Variants in TSGA10 observed in about 807,000 individuals in gnomAD.
The protein encoded by TSGA10 is testis-specific gene 10 protein.
In TSGA10, 43 loss-of-function variants were observed where a neutral mutation model predicts 96.6. The ratio of observed to expected loss-of-function variants is 0.44; its 90% confidence interval spans 0.35 to 0.57. TSGA10 has a LOEUF of 0.57. TSGA10 is among the 20% of genes least tolerant of loss of function. The pLI, the probability that TSGA10 is intolerant of heterozygous loss-of-function variation, is 0.01. For missense variants in TSGA10, 703 were observed against 834.4 expected, an observed-to-expected ratio of 0.84 and a Z score of 1.94; for synonymous variants, 229 against 269.9, an observed-to-expected ratio of 0.85 and a Z score of 1.48.
chr2:99,055,232 T>C (rs948019524), intron 16 of TSGA10, among the ~76,000 whole-genome samples: 2 of 152,122 alleles, frequency 1.3e-5, no homozygotes, highest in Admixed American at 6.5e-5. Flanking sequence ...TAGAGGTTCA[T>C]TATGCTAAGT....
intron 7 of TSGA10, 111 bp from the exon 8 acceptor site, chr2:99,105,808 C>T: frequency 1.4e-6 from 1 of 707,804 alleles, no homozygotes; most frequent in Admixed American, 2.5e-5. Context: ...ATGCATGCAG[C>T]AGGGTAATGG....
intron 15 of TSGA10, among the ~76,000 whole-genome samples, chr2:99,066,753 A>G (rs2085310279): frequency 1.3e-5 from 2 of 152,028 alleles, no homozygotes; most frequent in South Asian, 4.2e-4. Flanking sequence ...AGAAAATGAA[A>G]CTGTTCTTTG....
intron 10 of TSGA10, among the ~76,000 whole-genome samples, chr2:99,082,693 A>C (rs1349684089): frequency 6.6e-6 from 1 of 152,214 alleles, no homozygotes; most frequent in African/African-American, 2.4e-5. Context: ...TCATAATTCA[A>C]AATTTAAAAA....
At chr2:99,062,989 T>C (rs2084867138) in intron 16 of TSGA10, among the ~76,000 whole-genome samples, 1 of 152,202 alleles carries the variant, frequency 6.6e-6, no homozygotes, top group Non-Finnish European at 1.5e-5. Flanking sequence ...TGAGGGAACA[T>C]TAATTCTTCC....
At chr2:99,084,316 G>A (rs907013562) in intron 10 of TSGA10, among the ~76,000 whole-genome samples, 1 of 152,196 alleles carries the variant, frequency 6.6e-6, no homozygotes, top group Admixed American at 6.5e-5. Context: ...GCCTGGGGAA[G>A]AGATGACTGG....
chr2:99,032,211 T>A (rs2081199601), intron 17 of TSGA10, among the ~76,000 whole-genome samples: 1 of 152,152 alleles, frequency 6.6e-6, no homozygotes, highest in Non-Finnish European at 1.5e-5. Context: ...CTGCACTGAG[T>A]ACTTGTCTCA....
intron 2 of TSGA10, among the ~76,000 whole-genome samples, chr2:99,122,227 AT>A (rs1326755752): frequency 6.6e-6 from 1 of 152,144 alleles, no homozygotes; most frequent in African/African-American, 2.4e-5. Flanking sequence ...TTATCTCAAC[AT>A]TTTTTAGAAT....
chr2:99,049,436 T>C (rs1447312106), intron 16 of TSGA10, among the ~76,000 whole-genome samples: 1 of 152,058 alleles, frequency 6.6e-6, no homozygotes, highest in African/African-American at 2.4e-5. Context: ...TACAGGGACA[T>C]GGATGAAGCT....
At chr2:99,100,768 C>T (rs1449654173) in intron 10 of TSGA10, among the ~76,000 whole-genome samples, 2 of 138,148 alleles carry the variant, frequency 1.4e-5, no homozygotes, top group South Asian at 2.3e-4. Flanking sequence ...TGCAGTGAGC[C>T]GAGATTGTGC....
chr2:99,132,224 T>C (rs143088237), intron 1 of TSGA10, among the ~76,000 whole-genome samples: 1 of 152,248 alleles, frequency 6.6e-6, no homozygotes, highest in African/African-American at 2.4e-5. Flanking sequence ...GTACCTCTGG[T>C]AGAATTCAGC....
At chr2:99,053,084 G>A (rs1361658422) in intron 16 of TSGA10, among the ~76,000 whole-genome samples, 1 of 151,630 alleles carries the variant, frequency 6.6e-6, no homozygotes, top group Non-Finnish European at 1.5e-5. Flanking sequence ...AATAAATAGT[G>A]TATTCCTGAT....
intron 2 of TSGA10, among the ~76,000 whole-genome samples, chr2:99,122,149 A>G (rs548978777): frequency 3.3e-5 from 5 of 152,286 alleles, no homozygotes; most frequent in African/African-American, 1.2e-4. Flanking sequence ...CCAATATCAC[A>G]GTCTTGATTA....
At chr2:99,129,566 G>A (rs955285792) in intron 1 of TSGA10, among the ~76,000 whole-genome samples, 2 of 151,988 alleles carry the variant, frequency 1.3e-5, no homozygotes, top group Non-Finnish European at 2.9e-5. Flanking sequence ...ACCAGCTTTG[G>A]GGGCAATATC....
chr2:99,021,720 A>G (rs1372511362), intron 17 of TSGA10, among the ~76,000 whole-genome samples: 1 of 152,212 alleles, frequency 6.6e-6, no homozygotes, highest in Admixed American at 6.5e-5. Context: ...ACCACCAAAA[A>G]TGTCATTACT....
chr2:99,145,507 T>TGG (rs2093622762), intron 1 of TSGA10, among the ~76,000 whole-genome samples: 1 of 150,884 alleles, frequency 6.6e-6, no homozygotes, highest in Admixed American at 6.6e-5. Flanking sequence ...GCAGTCACCC[T>TGG]AGATCACACC....
intron 16 of TSGA10, among the ~76,000 whole-genome samples, chr2:99,052,640 A>T (rs1558857422): frequency 6.6e-6 from 1 of 152,070 alleles, no homozygotes; most frequent in African/African-American, 2.4e-5. Flanking sequence ...TGGGAGGCTG[A>T]GGCAGAAGAA....
intron 1 of TSGA10, among the ~76,000 whole-genome samples, chr2:99,146,193 G>C (rs763017664): frequency 2.6e-5 from 4 of 152,196 alleles, no homozygotes; most frequent in Non-Finnish European, 5.9e-5. Context: ...CTCAGCAGGA[G>C]AATCATGTGA....
At chr2:99,117,376 G>T (rs1393402856) in intron 4 of TSGA10, 168 bp downstream of exon 4, 1 of 203,282 alleles carries the variant, frequency 4.9e-6, no homozygotes. Context: ...GTTAAAAGAA[G>T]TAAAATGTGA....
Position 99,081,452 on chromosome 2 carries a change from T to C in TSGA10, c.612-55A>G. On this transcript the variant is annotated intron_variant, in intron 10 of 20. Transcript: ENST00000393483. ...CTGAAATTTTTGTTTTGTCATCTTG[T>C]AGTGTGTTTAAATCTAAAAACTTTT... 5 of 961,530 alleles carry C rather than the reference T, an allele frequency of 5.2e-6. No individual in the cohort carries two copies. The South Asian group carries it at 7.4e-5, about 14-fold the overall frequency. The allele number at this position is 961,530 out of a possible 1,614,324, so 59.6% of individuals were successfully genotyped here.
Sources: gnomAD v4.1 joint callset for allele counts (sites outside exome capture counted in the v4.1 genomes callset) on GRCh38, gnomAD v4.1.1 for gene constraint, MANE v1.5 for transcripts, NCBI Gene and HGNC (gene_info 2026-07-23, HGNC 2026-07-21) for gene names.